Variants in KCNMA1 observed in about 807,000 individuals in gnomAD.
The protein encoded by KCNMA1 is Calcium-activated potassium channel subunit alpha-1.
KCNMA1 carries 29 observed loss-of-function variants against 140.0 expected under a neutral mutation model. That is an observed-to-expected ratio of 0.21 (90% CI 0.15 to 0.28). KCNMA1 has a LOEUF of 0.28. Among genes scored for constraint, KCNMA1 ranks in the 10% least tolerant of loss-of-function variants. KCNMA1 has a pLI of 1.00. For synonymous variants in KCNMA1, 612 were observed against 611.9 expected (o/e 1.00, Z 0.00); for missense variants, 880 against 1,602.2 (o/e 0.55, Z 7.70).
intron 26 of KCNMA1, 123 bp from the exon 27 acceptor site, chr10:76,889,692 T>C (rs991572664): frequency 2.6e-5 from 21 of 801,780 alleles, no homozygotes; most frequent in African/African-American, 5.1e-5. Context: ...GGAGGGTCCA[T>C]GTGCCAAGGG....
intron 19 of KCNMA1, chr10:76,975,390 G>C (rs1302707319): frequency 6.6e-6 from 1 of 152,204 alleles, no homozygotes; most frequent in Non-Finnish European, 1.5e-5. Context: ...TTTCTCACAC[G>C]AACCAGACGG....
At chr10:77,550,681 G>C (rs1011779063) in intron 1 of KCNMA1, among the ~76,000 whole-genome samples, 1 of 152,234 alleles carries the variant, frequency 6.6e-6, no homozygotes, top group African/African-American at 2.4e-5. Flanking sequence ...GGAGTGGCAA[G>C]GATTGTGTGT....
intron 1 of KCNMA1, among the ~76,000 whole-genome samples, chr10:77,434,314 G>C (rs552044301): frequency 6.6e-6 from 1 of 152,300 alleles, no homozygotes; most frequent in African/African-American, 2.4e-5. Context: ...TGCTGCTGTG[G>C]AAGTGTGTCT....
At chr10:77,323,263 A>T (rs2082889467) in intron 2 of KCNMA1, among the ~76,000 whole-genome samples, 2 of 152,236 alleles carry the variant, frequency 1.3e-5, no homozygotes, top group Admixed American at 1.3e-4. Flanking sequence ...CTCCATGTTG[A>T]GGACAGACTG....
At chr10:77,435,126 T>C (rs1353322522) in intron 1 of KCNMA1, among the ~76,000 whole-genome samples, 2 of 151,728 alleles carry the variant, frequency 1.3e-5, no homozygotes, top group African/African-American at 4.8e-5. Context: ...TTTGTAGAGA[T>C]GGTGTCTCCC....
At chr10:77,479,763 C>T (rs1189503867) in intron 1 of KCNMA1, among the ~76,000 whole-genome samples, 1 of 152,192 alleles carries the variant, frequency 6.6e-6, no homozygotes, top group African/African-American at 2.4e-5. Context: ...ATCTTTGCAG[C>T]ACTAAGAAGA....
At chr10:77,234,173 G>C (rs1167073172) in intron 3 of KCNMA1, among the ~76,000 whole-genome samples, 3 of 152,060 alleles carry the variant, frequency 2.0e-5, no homozygotes, top group African/African-American at 7.2e-5. Flanking sequence ...TTTATAATCT[G>C]ATAACTGATT....
At chr10:77,554,240 T>C (rs570643176) in intron 1 of KCNMA1, among the ~76,000 whole-genome samples, 33 of 152,296 alleles carry the variant, frequency 2.2e-4, no homozygotes, top group African/African-American at 7.9e-4. Flanking sequence ...AAAGGCTCTC[T>C]GAGGACAGTC....
intron 2 of KCNMA1, among the ~76,000 whole-genome samples, chr10:77,373,324 T>TCC: frequency 6.6e-6 from 1 of 152,248 alleles, no homozygotes; most frequent in East Asian, 1.9e-4. Context: ...TGTGAGCAAG[T>TCC]CCCTCCCTCC....
intron 29 of KCNMA1, among the ~76,000 whole-genome samples, chr10:76,878,600 T>A (rs1307391638): frequency 6.6e-6 from 1 of 152,020 alleles, no homozygotes; most frequent in African/African-American, 2.4e-5. Flanking sequence ...ATGAATAGAG[T>A]TCCAAGTGGC....
At chr10:77,030,100 T>A (rs2093815077) in intron 15 of KCNMA1, among the ~76,000 whole-genome samples, 1 of 152,198 alleles carries the variant, frequency 6.6e-6, no homozygotes, top group Non-Finnish European at 1.5e-5. Context: ...GAGGTTGTGG[T>A]CCACAGCACT....
At chr10:77,384,423 G>A (rs556523457) in intron 2 of KCNMA1, among the ~76,000 whole-genome samples, 108 of 152,336 alleles carry the variant, frequency 7.1e-4, no homozygotes, top group Admixed American at 1.6e-3. Flanking sequence ...GATCATTGGT[G>A]GCTGACGAAG....
At chr10:77,183,923 T>C (rs185704688) in intron 4 of KCNMA1, among the ~76,000 whole-genome samples, 75 of 152,362 alleles carry the variant, frequency 4.9e-4, no homozygotes, top group Admixed American at 1.5e-3. Flanking sequence ...AACTATATGC[T>C]ATGCTAGTCT....
chr10:76,927,043 G>A (rs1186676931), intron 23 of KCNMA1, among the ~76,000 whole-genome samples: 3 of 152,068 alleles, frequency 2.0e-5, no homozygotes, highest in African/African-American at 7.2e-5. Context: ...GTCTTCATCT[G>A]TAAAATAGGA....
intron 25 of KCNMA1, among the ~76,000 whole-genome samples, chr10:76,897,553 C>A (rs894696551): frequency 6.6e-6 from 1 of 151,904 alleles, no homozygotes; most frequent in African/African-American, 2.4e-5. Flanking sequence ...TTTTTTGACT[C>A]TTTGCGTACA....
intron 5 of KCNMA1, among the ~76,000 whole-genome samples, chr10:77,168,200 C>A (rs561974140): frequency 6.6e-6 from 1 of 152,298 alleles, no homozygotes; most frequent in Admixed American, 6.5e-5. Context: ...CTTGCTGTAT[C>A]ACTTGCTGAA....
chr10:77,444,640 G>A (rs2097486181), intron 1 of KCNMA1, among the ~76,000 whole-genome samples: 1 of 152,092 alleles, frequency 6.6e-6, no homozygotes, highest in Non-Finnish European at 1.5e-5. Context: ...GTTGAGACGG[G>A]GGCTGTCCTC....
chr10:77,191,699 G>A (rs1163238292), intron 3 of KCNMA1, among the ~76,000 whole-genome samples: 1 of 152,094 alleles, frequency 6.6e-6, no homozygotes, highest in African/African-American at 2.4e-5. Flanking sequence ...TAGTAATGAT[G>A]ATAACATCAA....
chr10:76,909,933 C>A (rs1362899375), intron 25 of KCNMA1, 33 bp downstream of exon 25: 1 of 1,608,796 alleles, frequency 6.2e-7, no homozygotes, highest in Non-Finnish European at 8.5e-7. Context: ...ATCCTCCACC[C>A]TTGAGTGAGG....
Sources: gnomAD v4.1 joint callset for allele counts (sites outside exome capture counted in the v4.1 genomes callset) on GRCh38, gnomAD v4.1.1 for gene constraint, MANE v1.5 for transcripts, NCBI Gene and HGNC (gene_info 2026-07-23, HGNC 2026-07-21) for gene names.